The following ACTR3B variants were observed in gnomAD, a reference collection of about 807,000 sequenced individuals.
ACTR3B encodes the protein actin-related protein 3B.
Under a neutral mutation model 59.0 loss-of-function variants are expected in ACTR3B, and 8 were observed. The observed-to-expected ratio is 0.14, with a 90% CI of 0.08 to 0.24. The LOEUF (loss-of-function observed/expected upper bound fraction) is 0.24. Ranked by LOEUF, ACTR3B falls within the 10% of genes least tolerant of loss-of-function variation. The pLI is 1.00. For missense variants in ACTR3B, 245 were observed against 552.3 expected (o/e 0.44, Z 5.58); for synonymous variants, 148 against 197.9 (o/e 0.75, Z 2.12).
At chr7:152,767,417 G>T (rs1246267891) in intron 1 of ACTR3B, among the ~76,000 whole-genome samples, 1 of 152,130 alleles carries the variant, frequency 6.6e-6, no homozygotes, top group Non-Finnish European at 1.5e-5. Context: ...CATTTCTAAT[G>T]GTGCCGGCTT....
chr7:152,833,327 G>T (rs1435613460), intron 9 of ACTR3B, among the ~76,000 whole-genome samples: 1 of 152,218 alleles, frequency 6.6e-6, no homozygotes, highest in Non-Finnish European at 1.5e-5. Flanking sequence ...TATCATAACA[G>T]CCCGTATTTT....
chr7:152,762,821 A>G (rs2098094114), intron 1 of ACTR3B, among the ~76,000 whole-genome samples: 2 of 152,020 alleles, frequency 1.3e-5, no homozygotes, highest in Non-Finnish European at 2.9e-5. Flanking sequence ...GTTGTTACCT[A>G]GTGTTTCTCT....
intron 4 of ACTR3B, among the ~76,000 whole-genome samples, chr7:152,808,070 C>T (rs1302333704): frequency 6.6e-6 from 1 of 152,120 alleles, no homozygotes; most frequent in Non-Finnish European, 1.5e-5. Context: ...GCCCATTTTA[C>T]TTTCTGTCTC....
At chr7:152,788,834 C>G (rs2098183659) in intron 2 of ACTR3B, among the ~76,000 whole-genome samples, 5 of 152,146 alleles carry the variant, frequency 3.3e-5, no homozygotes, top group Admixed American at 2.6e-4. Context: ...CCAGCCCAGC[C>G]AACATGGTGA....
chr7:152,763,251 G>C (rs2098096048), intron 1 of ACTR3B, among the ~76,000 whole-genome samples: 1 of 127,270 alleles, frequency 7.9e-6, no homozygotes, highest in Admixed American at 9.5e-5. Context: ...AGAGGCGGAA[G>C]TTGCAGTGAG....
intron 1 of ACTR3B, 70 bp downstream of exon 1, chr7:152,759,996 C>G: frequency 8.0e-7 from 1 of 1,256,022 alleles, no homozygotes; most frequent in Non-Finnish European, 1.0e-6. Context: ...TCCACCTCGC[C>G]TGGAGGTCGA....
In ACTR3B at chr7:152,824,637, A is replaced by G. The variant is rs1796428989; in HGVS notation, c.859-393A>G. 6.6e-6 allele frequency among the ~76,000 whole-genome samples: 1 copy of G among 152,154 alleles called. No individual in the cohort carries two copies. Among genetic ancestry groups the G allele is most frequent in the Admixed American group, 6.5e-5 (1 of 15,280 alleles). On this transcript the variant is annotated intron_variant, in intron 8 of 11. Coordinates refer to ENST00000256001, the MANE Select transcript of ACTR3B (RefSeq NM_020445.6). This position sits in a 1 kb window ranked among gnomAD's most constrained non-coding sequence, Gnocchi z 4.2. ...TCATTGAACCTATTTCTTTTTCCTT[A>G]TATACTAATTTTCTCATAATACGAA...
At chr7:152,762,594 A>G (rs1346628854) in intron 1 of ACTR3B, among the ~76,000 whole-genome samples, 1 of 152,170 alleles carries the variant, frequency 6.6e-6, no homozygotes, top group Non-Finnish European at 1.5e-5. Flanking sequence ...CTAGAATCAC[A>G]TTCCAATCAT....
At chr7:152,814,462 A>G (rs1419936876) in intron 4 of ACTR3B, 88 bp from the exon 5 acceptor site, 1 of 1,021,846 alleles carries the variant, frequency 9.8e-7, no homozygotes, top group East Asian at 2.6e-5. Context: ...GTCCTCGCTA[A>G]CATACTTTCA....
chr7:152,785,453 AGGGGG>A (rs1563090236), intron 2 of ACTR3B, among the ~76,000 whole-genome samples: 1 of 644 alleles, frequency 1.6e-3, no homozygotes. Context: ...GAGGGGGGAG[AGGGGG>A]GAGGGGGAGG....
chr7:152,759,776 G>A lies in ACTR3B; in HGVS notation c.-107G>A, dbSNP rs1006267893. 7 of 904,544 alleles carry A rather than the reference G, an allele frequency of 7.7e-6. No individual in the cohort carries two copies. Among genetic ancestry groups the A allele is most frequent in the Non-Finnish European group, 9.6e-6 (7 of 731,010 alleles). 56.0% of individuals were successfully genotyped at this position (904,544 alleles called of 1,614,324 possible). A position where few individuals can be genotyped will look rare whatever the true frequency, so the allele number is the denominator to read the frequency against. On this transcript the variant is annotated 5_prime_UTR_variant, in exon 1 of 12. Transcript: ENST00000256001. ...CATCCGGGCTCCCGGCAGCGGCGCTGCGGCGGCTCGCGGGAGACGCTGCGC... is the reference window on the plus strand; with the variant it reads ...CATCCGGGCTCCCGGCAGCGGCGCTACGGCGGCTCGCGGGAGACGCTGCGC...
intron 4 of ACTR3B, among the ~76,000 whole-genome samples, chr7:152,804,064 C>T (rs1487852835): frequency 6.6e-6 from 1 of 152,144 alleles, no homozygotes; most frequent in Non-Finnish European, 1.5e-5. Flanking sequence ...CAGAATTATC[C>T]TTTCTGATGG....
intron 2 of ACTR3B, among the ~76,000 whole-genome samples, chr7:152,791,490 T>G (rs1485530079): frequency 6.6e-6 from 1 of 152,276 alleles, no homozygotes; most frequent in African/African-American, 2.4e-5. Flanking sequence ...TTTTCCTATT[T>G]TGCCCCCAAA....
Position 152,812,019 on chromosome 7 carries a change from C to CTTTTTTTTTTTTTTT in ACTR3B, c.337-2516_337-2502dup, listed in dbSNP as rs1164677748. ...TTCTTAATTCCCAGAAAATAAAAGT[C>CTTTTTTTTTTTTTTT]TTTTTTTTTTTTTTTTTTTTTTTTT... is the stretch of plus-strand genomic sequence containing the variant. On this transcript the variant is annotated intron_variant, in intron 4 of 11. Transcript: ENST00000256001. 36 of 23,378 alleles carry CTTTTTTTTTTTTTTT rather than the reference C, an allele frequency of 1.5e-3. 9 individuals carry two copies. Among genetic ancestry groups the CTTTTTTTTTTTTTTT allele is most frequent in the East Asian group, 5.1e-3 (2 of 390 alleles). 1.4% of individuals were successfully genotyped at this position (23,378 alleles called of 1,614,324 possible). A position where few individuals can be genotyped will look rare whatever the true frequency, so the allele number is the denominator to read the frequency against.
chr7:152,802,059 A>G (rs1429906233), intron 4 of ACTR3B, among the ~76,000 whole-genome samples: 3 of 152,130 alleles, frequency 2.0e-5, no homozygotes, highest in East Asian at 3.9e-4. Flanking sequence ...TTCCTAGATC[A>G]CCTCTTTGGA....
chr7:152,851,467 T>A (rs956271876), intron 9 of ACTR3B, among the ~76,000 whole-genome samples: 2 of 152,146 alleles, frequency 1.3e-5, no homozygotes, highest in Admixed American at 1.3e-4. Context: ...GGTCAGGAGC[T>A]GACGGTATGG....
intron 9 of ACTR3B, among the ~76,000 whole-genome samples, chr7:152,847,957 C>A (rs1362316498): frequency 6.6e-6 from 1 of 152,194 alleles, no homozygotes; most frequent in Non-Finnish European, 1.5e-5. Context: ...GGTGAACAGT[C>A]TTGTGAGTGA....
chr7:152,784,057 TC>T (rs1684296351), intron 2 of ACTR3B, among the ~76,000 whole-genome samples: 1 of 151,404 alleles, frequency 6.6e-6, no homozygotes, highest in Admixed American at 6.6e-5. Flanking sequence ...GCCACTGCAC[TC>T]CAGCCTGAGT....
intron 2 of ACTR3B, among the ~76,000 whole-genome samples, chr7:152,786,178 C>T (rs2098173233): frequency 1.4e-5 from 1 of 73,664 alleles, no homozygotes; most frequent in African/African-American, 5.6e-5. Context: ...AAAGGGCACA[C>T]ATTTTAGACA....
Sources: gnomAD v4.1 joint callset for allele counts (sites outside exome capture counted in the v4.1 genomes callset) on GRCh38, gnomAD v4.1.1 for gene constraint, Gnocchi (gnomAD v3.1) non-coding constraint, MANE v1.5 for transcripts, NCBI Gene and HGNC (gene_info 2026-07-23, HGNC 2026-07-21) for gene names.